NTM: variants seen among roughly 807,000 people sequenced by gnomAD.
The protein encoded by NTM is IgLON family member 2.
A neutral mutation model predicts 42.1 loss-of-function variants in NTM; 13 were observed. That is an observed-to-expected ratio of 0.31 (90% CI 0.20 to 0.49). The LOEUF (loss-of-function observed/expected upper bound fraction) is 0.49, where lower values mean the gene tolerates loss of function less well. NTM is among the 20% of genes least tolerant of loss of function. The pLI is 0.99. For missense variants in NTM, 373 were observed against 452.8 expected, an observed-to-expected ratio of 0.82 and a Z score of 1.60; for synonymous variants, 187 against 179.2, an observed-to-expected ratio of 1.04 and a Z score of -0.35.
chr11:132,136,456 G>T (rs977721634), intron 2 of NTM, among the ~76,000 whole-genome samples: 1 of 152,214 alleles, frequency 6.6e-6, no homozygotes, highest in African/African-American at 2.4e-5. Flanking sequence ...CTTTCTTCCT[G>T]TGAACTGTGG....
chr11:132,009,605 C>T (rs576487661), intron 2 of NTM, among the ~76,000 whole-genome samples: 2 of 152,168 alleles, frequency 1.3e-5, no homozygotes, highest in Admixed American at 6.5e-5. Flanking sequence ...GTCTTTGGAG[C>T]CCTAATTCCG....
chr11:131,529,653 A>G (rs1442871958), intron 1 of NTM, among the ~76,000 whole-genome samples: 3 of 152,288 alleles, frequency 2.0e-5, no homozygotes, highest in Admixed American at 1.3e-4. Flanking sequence ...GTTTCATGGC[A>G]TGGATATTTA....
At chr11:131,387,013 C>A (rs1262327445) in intron 1 of NTM, among the ~76,000 whole-genome samples, 1 of 152,124 alleles carries the variant, frequency 6.6e-6, no homozygotes, top group Non-Finnish European at 1.5e-5. Flanking sequence ...AAATACATTT[C>A]TTAATCTCCA....
At chr11:131,378,409 G>A (rs775924669) in intron 1 of NTM, among the ~76,000 whole-genome samples, 1 of 152,166 alleles carries the variant, frequency 6.6e-6, no homozygotes, top group Admixed American at 6.5e-5. Flanking sequence ...AAAATACTCA[G>A]CACCAGCCTC....
At chr11:131,851,532 C>CACGCGTGT (rs1555154795) in intron 1 of NTM, among the ~76,000 whole-genome samples, 2 of 146,702 alleles carry the variant, frequency 1.4e-5, no homozygotes, top group South Asian at 2.2e-4. Context: ...GTGAGAATGG[C>CACGCGTGT]GTGTGTGTGT....
chr11:131,415,701 G>C (rs1241972029), intron 1 of NTM, among the ~76,000 whole-genome samples: 1 of 152,138 alleles, frequency 6.6e-6, no homozygotes, highest in African/African-American at 2.4e-5. Context: ...GAAAATGTGG[G>C]GGTGAGGCCC....
At chr11:131,498,293 T>A (rs10791151) in intron 1 of NTM, among the ~76,000 whole-genome samples, 30,245 of 152,142 alleles carry the variant, frequency 0.2, 3,606 homozygotes, top group East Asian at 0.37. Context: ...TCCTGTATTC[T>A]GTAAAAGAGA....
At chr11:132,063,665 G>A (rs2081017896) in intron 2 of NTM, among the ~76,000 whole-genome samples, 1 of 152,180 alleles carries the variant, frequency 6.6e-6, no homozygotes, top group African/African-American at 2.4e-5. Context: ...TAATACTGAT[G>A]TGGAAGGACT....
intron 1 of NTM, among the ~76,000 whole-genome samples, chr11:131,868,034 T>C (rs952812304): frequency 6.6e-6 from 1 of 152,156 alleles, no homozygotes; most frequent in Non-Finnish European, 1.5e-5. Flanking sequence ...GCCAGTATTG[T>C]TTTGACTTGC....
chr11:132,003,056 G>T lies in NTM; in HGVS notation c.167+91408G>T, dbSNP rs181175084. ...AGGGTTAGGAAAGTAACTAGTGAGC[G>T]CACTAAACAGTAAGATGCGCTGCCA... On this transcript the variant is annotated intron_variant, in intron 2 of 8. Transcript: ENST00000683400. This position sits in a 1 kb window ranked among gnomAD's most constrained non-coding sequence, Gnocchi z 6.0. Among the ~76,000 whole-genome samples the T allele has an allele frequency of 2.6e-5, 4 of 152,056 alleles. No individual in the cohort carries two copies. Among genetic ancestry groups the T allele is most frequent in the African/African-American group, 4.8e-5 (2 of 41,386 alleles).
intron 3 of NTM, among the ~76,000 whole-genome samples, chr11:132,153,318 T>A (rs1020723231): frequency 1.3e-5 from 2 of 152,224 alleles, no homozygotes; most frequent in East Asian, 3.8e-4. Flanking sequence ...TTTTTCAAGA[T>A]GTATGCCTTT....
At chr11:131,526,301 C>A (rs974396488) in intron 1 of NTM, among the ~76,000 whole-genome samples, 1 of 152,198 alleles carries the variant, frequency 6.6e-6, no homozygotes, top group Non-Finnish European at 1.5e-5. Flanking sequence ...TTTCTCTGCA[C>A]CCCAGCTGGG....
At chr11:132,027,599 A>C (rs1489939745) in intron 2 of NTM, among the ~76,000 whole-genome samples, 1 of 152,192 alleles carries the variant, frequency 6.6e-6, no homozygotes, top group Non-Finnish European at 1.5e-5. Context: ...GTTTCTGAAG[A>C]GAAGTCCAAT....
chr11:132,083,463 T>A (rs1188823372), intron 2 of NTM, among the ~76,000 whole-genome samples: 2 of 152,236 alleles, frequency 1.3e-5, no homozygotes, highest in African/African-American at 4.8e-5. Flanking sequence ...CAGATAGGAC[T>A]TTTTAAAGCT....
rs184029341 is a variant in NTM at position 132,108,534 on chromosome 11, A to G, written c.168-37748A>G. Reference sequence around the variant, plus strand: ...CAATGGACTCTGGGGACTTGGGAGGAAGGGTGGCGGGGCGAGGAACAAAAG... The same window carrying G: ...CAATGGACTCTGGGGACTTGGGAGGGAGGGTGGCGGGGCGAGGAACAAAAG... On this transcript the variant is annotated intron_variant, in intron 2 of 8. Coordinates refer to ENST00000683400, the MANE Select transcript of NTM (RefSeq NM_001352005.2). Among the ~76,000 whole-genome samples, 764 of 152,176 alleles carry G rather than the reference A, an allele frequency of 5.0e-3. 5 individuals carry two copies. The highest frequency in any genetic ancestry group is 8.4e-3 in the Non-Finnish European group (573 of 68,002).
At chr11:131,611,884 T>C (rs2061493939) in intron 1 of NTM, among the ~76,000 whole-genome samples, 1 of 152,214 alleles carries the variant, frequency 6.6e-6, no homozygotes, top group African/African-American at 2.4e-5. Context: ...CAGAAGTAGA[T>C]TCTGAAGATT....
intron 1 of NTM, among the ~76,000 whole-genome samples, chr11:131,751,812 A>T (rs2135707607): frequency 7.8e-6 from 1 of 128,056 alleles, no homozygotes; most frequent in Non-Finnish European, 1.5e-5. Flanking sequence ...CTATATAATT[A>T]TACTCATGTG....
chr11:131,743,583 C>T (rs963000755), intron 1 of NTM, among the ~76,000 whole-genome samples: 1 of 152,122 alleles, frequency 6.6e-6, no homozygotes, highest in Admixed American at 6.5e-5. Context: ...TGTGGAGTTC[C>T]TACTAAGTGG....
chr11:131,841,640 T>A (rs1190705812), intron 1 of NTM, among the ~76,000 whole-genome samples: 1 of 152,008 alleles, frequency 6.6e-6, no homozygotes, highest in African/African-American at 2.4e-5. Flanking sequence ...AAAATGGAAA[T>A]ATAGGTGTGA....
Sources: gnomAD v4.1 joint callset for allele counts (sites outside exome capture counted in the v4.1 genomes callset) on GRCh38, gnomAD v4.1.1 for gene constraint, Gnocchi (gnomAD v3.1) non-coding constraint, MANE v1.5 for transcripts, NCBI Gene and HGNC (gene_info 2026-07-23, HGNC 2026-07-21) for gene names.